The following PSD3 variants were observed in gnomAD, a reference collection of about 807,000 sequenced individuals.
PSD3 encodes pleckstrin and Sec7 domain containing 3.
In PSD3, 49 loss-of-function variants were observed where a neutral mutation model predicts 105.5. The ratio of observed to expected loss-of-function variants is 0.46; its 90% confidence interval spans 0.37 to 0.59. The LOEUF (loss-of-function observed/expected upper bound fraction) is 0.59. Ranked by LOEUF, PSD3 falls within the 20% of genes least tolerant of loss-of-function variation. PSD3 has a pLI of 0.00. For synonymous variants in PSD3, 557 were observed against 457.8 expected, an observed-to-expected ratio of 1.22 and a Z score of -2.77; for missense variants, 1,561 against 1,263.8, an observed-to-expected ratio of 1.24 and a Z score of -3.57.
At chr8:18,959,412 T>C (rs1353047488) in intron 1 of PSD3, among the ~76,000 whole-genome samples, 2 of 152,150 alleles carry the variant, frequency 1.3e-5, no homozygotes, top group Non-Finnish European at 2.9e-5. Flanking sequence ...TAACCCGCTG[T>C]ACACTTTACA....
chr8:18,558,138 A>G (rs1249146599), intron 14 of PSD3, among the ~76,000 whole-genome samples: 2 of 152,212 alleles, frequency 1.3e-5, no homozygotes, highest in Admixed American at 6.5e-5. Flanking sequence ...GAGAAAATAG[A>G]TGTCTGCTAT....
intron 11 of PSD3, among the ~76,000 whole-genome samples, chr8:18,607,131 G>A (rs1804896311): frequency 1.3e-5 from 2 of 152,138 alleles, no homozygotes; most frequent in South Asian, 2.1e-4. Context: ...GAGAGATGAT[G>A]AGATAAGAGG....
intron 4 of PSD3, among the ~76,000 whole-genome samples, chr8:18,837,771 C>A (rs1453917281): frequency 6.6e-6 from 1 of 152,014 alleles, no homozygotes; most frequent in East Asian, 1.9e-4. Context: ...AGACCCCGTC[C>A]CTATATATTT....
intron 1 of PSD3, among the ~76,000 whole-genome samples, chr8:18,978,881 C>T (rs1229090363): frequency 6.6e-6 from 1 of 152,112 alleles, no homozygotes; most frequent in Non-Finnish European, 1.5e-5. Flanking sequence ...TCATTCCCAC[C>T]CCCTTATCAC....
chr8:18,749,726 T>C (rs1001426827), intron 9 of PSD3, among the ~76,000 whole-genome samples: 4 of 152,094 alleles, frequency 2.6e-5, no homozygotes, highest in Admixed American at 2.6e-4. Context: ...GGTCAGACAG[T>C]ACCAGAGAGT....
intron 9 of PSD3, among the ~76,000 whole-genome samples, chr8:18,732,222 G>C (rs1265570759): frequency 6.6e-6 from 1 of 151,884 alleles, no homozygotes; most frequent in African/African-American, 2.4e-5. Flanking sequence ...AGCGACTGAA[G>C]AATGCCTAAC....
Position 19,025,854 on chromosome 8 carries a change from T to C in PSD3, c.324+58352A>G, listed in dbSNP as rs936786187. Among the ~76,000 whole-genome samples, 8 of 152,192 alleles carry C rather than the reference T, an allele frequency of 5.3e-5. No individual in the cohort carries two copies. In the East Asian group the frequency reaches 5.8e-4, roughly 11 times the overall value. Reference sequence around the variant, plus strand: ...AGAAGTGTAGTGTGAATAGAGAAACTGTTTTCTTTTACCATGGTGTGTTAG... The same window carrying C: ...AGAAGTGTAGTGTGAATAGAGAAACCGTTTTCTTTTACCATGGTGTGTTAG... On this transcript the variant is annotated intron_variant, in intron 1 of 1. Transcript: ENST00000521475.
Position 18,804,788 on chromosome 8 carries a change from A to AC in PSD3, c.1744dup (p.Val582GlyfsTer33). The AC allele has an allele frequency of 6.2e-7, 1 of 1,614,140 alleles. No homozygotes were observed. Reference sequence around the variant, plus strand: ...TTTGGCCAACCTTTTGGCTGCTTCCACATTGCTGCTGGTACCATTACTGAG... The same window carrying AC: ...TTTGGCCAACCTTTTGGCTGCTTCCACCATTGCTGCTGGTACCATTACTGAG... On this transcript the variant is annotated frameshift_variant, in exon 5 of 16. Coordinates refer to ENST00000327040, the MANE Select transcript of PSD3 (RefSeq NM_015310.4). LOFTEE classifies it high-confidence loss of function.
chr8:19,068,548 C>T (rs1304505211), intron 1 of PSD3, among the ~76,000 whole-genome samples: 3 of 152,156 alleles, frequency 2.0e-5, no homozygotes, highest in Admixed American at 6.5e-5. Flanking sequence ...CCCTCGGCCT[C>T]CCAAGGTGCT....
chr8:19,059,722 A>G (rs1286917677), intron 1 of PSD3, among the ~76,000 whole-genome samples: 1 of 152,242 alleles, frequency 6.6e-6, no homozygotes, highest in East Asian at 1.9e-4. Context: ...GAAAGGTTAG[A>G]AAATAAATTG....
intron 11 of PSD3, among the ~76,000 whole-genome samples, chr8:18,620,727 G>A (rs887533673): frequency 2.0e-5 from 3 of 152,090 alleles, no homozygotes; most frequent in Non-Finnish European, 4.4e-5. Context: ...GAAAAAAAGA[G>A]AAAACATTTT....
At chr8:18,859,822 G>A (rs968844736) in intron 4 of PSD3, among the ~76,000 whole-genome samples, 1 of 152,208 alleles carries the variant, frequency 6.6e-6, no homozygotes, top group Non-Finnish European at 1.5e-5. Context: ...AAACGTTGTG[G>A]CTGATTTGAT....
chr8:19,021,412 C>A (rs186764985), intron 1 of PSD3, among the ~76,000 whole-genome samples: 7 of 152,102 alleles, frequency 4.6e-5, no homozygotes, highest in Admixed American at 2.6e-4. Context: ...ATGTTTTATG[C>A]CCAACCCGGT....
At chr8:18,918,813 G>T (rs775609159) in intron 2 of PSD3, among the ~76,000 whole-genome samples, 1 of 151,974 alleles carries the variant, frequency 6.6e-6, no homozygotes, top group Non-Finnish European at 1.5e-5. Flanking sequence ...GGTCTTCTAC[G>T]TGGAGGGAGG....
intron 14 of PSD3, among the ~76,000 whole-genome samples, chr8:18,565,027 G>T (rs1270803152): frequency 6.6e-6 from 1 of 152,174 alleles, no homozygotes; most frequent in African/African-American, 2.4e-5. Flanking sequence ...CTCTAAAGAA[G>T]CAAGGAAAGA....
chr8:18,578,224 C>T (rs1403801100), intron 12 of PSD3, among the ~76,000 whole-genome samples: 1 of 152,046 alleles, frequency 6.6e-6, no homozygotes, highest in Admixed American at 6.6e-5. Flanking sequence ...CTTTTCTTAG[C>T]CATCCATTTA....
chr8:18,856,532 C>A (rs1395220637), intron 4 of PSD3, among the ~76,000 whole-genome samples: 1 of 152,146 alleles, frequency 6.6e-6, no homozygotes, highest in South Asian at 2.1e-4. Flanking sequence ...ATGCCAACTA[C>A]GAATAATGAA....
At chr8:19,011,091 G>A (rs541524850) in intron 1 of PSD3, among the ~76,000 whole-genome samples, 8 of 151,976 alleles carry the variant, frequency 5.3e-5, no homozygotes, top group African/African-American at 1.7e-4. Context: ...AATTGGAAAC[G>A]ATCACTATCC....
At chr8:18,703,751 T>A (rs573189417) in intron 9 of PSD3, among the ~76,000 whole-genome samples, 6 of 152,340 alleles carry the variant, frequency 3.9e-5, no homozygotes, top group African/African-American at 1.4e-4. Flanking sequence ...ATGAATATGT[T>A]GCTAATGAGA....
Sources: gnomAD v4.1 joint callset for allele counts (sites outside exome capture counted in the v4.1 genomes callset) on GRCh38, gnomAD v4.1.1 for gene constraint, MANE v1.5 for transcripts, NCBI Gene and HGNC (gene_info 2026-07-23, HGNC 2026-07-21) for gene names.